The following CNKSR2 variants were observed in gnomAD, a reference collection of about 807,000 sequenced individuals.
CNKSR2 encodes the protein CNK homolog protein 2.
A neutral mutation model predicts 84.4 loss-of-function variants in CNKSR2; 14 were observed. The ratio of observed to expected loss-of-function variants is 0.17; its 90% confidence interval spans 0.11 to 0.26. The LOEUF (loss-of-function observed/expected upper bound fraction) is 0.26, where lower values mean the gene tolerates loss of function less well. CNKSR2 is among the 10% of genes least tolerant of loss of function. The pLI is 1.00. For missense variants in CNKSR2, 485 were observed against 771.2 expected, an observed-to-expected ratio of 0.63 and a Z score of 4.40; for synonymous variants, 275 against 277.9, an observed-to-expected ratio of 0.99 and a Z score of 0.10.
At chrX:21,480,544 C>A (rs2091307928) in intron 5 of CNKSR2, among the ~76,000 whole-genome samples, 1 of 111,920 alleles carries the variant, frequency 8.9e-6, no homozygotes, top group Admixed American at 9.5e-5. Context: ...TGCCACAAGC[C>A]TGCTTGTCTC....
chrX:21,496,245 A>G (rs984933805), intron 6 of CNKSR2, among the ~76,000 whole-genome samples: 1 of 111,816 alleles, frequency 8.9e-6, no homozygotes, highest in Non-Finnish European at 1.9e-5. Flanking sequence ...AATATTGTTA[A>G]TTCCTGAATG....
chrX:21,652,600 G>A lies in CNKSR2; in HGVS notation c.*79G>A. 1.1e-5 allele frequency: 8 copies of A among 728,541 alleles called. No homozygotes were observed. Among genetic ancestry groups the A allele is most frequent in the Non-Finnish European group, 1.7e-5 (8 of 479,222 alleles). The allele number at this position is 728,541 out of a possible 1,213,427, so 60.0% of individuals were successfully genotyped here. A position where few individuals can be genotyped will look rare whatever the true frequency, so the allele number is the denominator to read the frequency against. ...TAAGGTAGTTTTTATATCAATGTGT[G>A]GAACACTTGACAAGCTATACTTTAA... On this transcript the variant is annotated 3_prime_UTR_variant, in exon 22 of 22. Coordinates refer to ENST00000379510, the MANE Select transcript of CNKSR2 (RefSeq NM_014927.5).
intron 1 of CNKSR2, among the ~76,000 whole-genome samples, chrX:21,376,756 C>G (rs919312373): frequency 1.8e-5 from 2 of 111,950 alleles, no homozygotes; most frequent in Non-Finnish European, 3.8e-5. Flanking sequence ...TATCTTGGCT[C>G]CATGGGAGTC....
intron 21 of CNKSR2, among the ~76,000 whole-genome samples, chrX:21,649,413 T>A (rs1412267579): frequency 1.8e-5 from 2 of 112,228 alleles, no homozygotes; most frequent in African/African-American, 6.5e-5. Flanking sequence ...AATACAATAG[T>A]GGGTGCTAAA....
rs1180454453 is a variant in CNKSR2, at chrX:21,653,169, T to C, written c.*648T>C. ...ATTCCAAATCTATGAGAACACTTGG[T>C]GTATCAGGGCAAAGCTTTGTAAGAT... On this transcript the variant is annotated 3_prime_UTR_variant, in exon 22 of 22. Coordinates refer to ENST00000379510, the MANE Select transcript of CNKSR2 (RefSeq NM_014927.5). The C allele has an allele frequency of 9.0e-6, 1 of 111,566 alleles. No individual in the cohort carries two copies. Among genetic ancestry groups the C allele is most frequent in the Non-Finnish European group, 1.9e-5 (1 of 53,041 alleles). 9.2% of individuals were successfully genotyped at this position (111,566 alleles called of 1,213,427 possible).
In CNKSR2 at chrX:21,412,536, T is replaced by C. The variant is rs2090359722; in HGVS notation, c.65-13961T>C. Among the ~76,000 whole-genome samples the C allele has an allele frequency of 3.6e-5, 4 of 112,206 alleles. No homozygotes were observed. The South Asian group carries it at 1.5e-3, about 41-fold the overall frequency. ...CCATCATGATTAGGCAATTTTTTCATGGTGAATTAGGATTGGGTAAGACAT... is the reference window on the plus strand; with the variant it reads ...CCATCATGATTAGGCAATTTTTTCACGGTGAATTAGGATTGGGTAAGACAT... On this transcript the variant is annotated intron_variant, in intron 1 of 21. Coordinates refer to ENST00000379510, the MANE Select transcript of CNKSR2 (RefSeq NM_014927.5).
intron 7 of CNKSR2, among the ~76,000 whole-genome samples, chrX:21,498,154 G>C: frequency 9.0e-6 from 1 of 111,514 alleles, no homozygotes; most frequent in Non-Finnish European, 1.9e-5. Flanking sequence ...CAAATGATTT[G>C]GTTATTTAAA....
intron 1 of CNKSR2, among the ~76,000 whole-genome samples, chrX:21,392,886 A>G (rs2090070328): frequency 1.8e-5 from 2 of 111,377 alleles, no homozygotes; most frequent in African/African-American, 6.5e-5. Context: ...TCTCCAAGAA[A>G]TTACATTAAG....
At chrX:21,616,248 CCTA>C (rs1043572117) in intron 20 of CNKSR2, among the ~76,000 whole-genome samples, 1 of 110,829 alleles carries the variant, frequency 9.0e-6, no homozygotes, top group African/African-American at 3.3e-5. Flanking sequence ...ATTTTCCATC[CCTA>C]CTACCAGAAT....
At chrX:21,618,065 C>T (rs1013046825) in intron 20 of CNKSR2, among the ~76,000 whole-genome samples, 20 of 110,007 alleles carry the variant, frequency 1.8e-4, no homozygotes, top group Admixed American at 6.8e-4. Context: ...AGAGCCAAGC[C>T]AGAGCCAATT....
At chrX:21,499,714 A>G (rs1260597846) in intron 7 of CNKSR2, among the ~76,000 whole-genome samples, 1 of 110,475 alleles carries the variant, frequency 9.1e-6, no homozygotes, top group Non-Finnish European at 1.9e-5. Flanking sequence ...GAGTCTTAGT[A>G]AAGCTGCTCA....
chrX:21,525,479 T>C (rs1456133931), intron 9 of CNKSR2, among the ~76,000 whole-genome samples: 2 of 110,903 alleles, frequency 1.8e-5, no homozygotes, highest in African/African-American at 3.3e-5. Context: ...CCTTTTCCCT[T>C]TCTCTCTCTC....
chrX:21,619,576 C>T (rs984424778), intron 20 of CNKSR2, among the ~76,000 whole-genome samples: 2 of 110,909 alleles, frequency 1.8e-5, no homozygotes, highest in Non-Finnish European at 3.8e-5. Flanking sequence ...TTAAGACCTC[C>T]GAATTTTCTC....
At chrX:21,476,629 C>T (rs1327739566) in intron 5 of CNKSR2, among the ~76,000 whole-genome samples, 1 of 110,475 alleles carries the variant, frequency 9.1e-6, no homozygotes, top group Non-Finnish European at 1.9e-5. Flanking sequence ...CAGTGTTGGG[C>T]AGGGATGTCT....
intron 1 of CNKSR2, chrX:21,422,421 C>T (rs747603297): frequency 2.7e-5 from 3 of 111,935 alleles, no homozygotes; most frequent in South Asian, 3.8e-4. Context: ...CACATCCCTG[C>T]CCCTGATGCT....
Position 21,374,834 on chromosome X carries a change from C to T in CNKSR2, c.-64C>T, listed in dbSNP as rs960068135. 1 of 1,022,963 alleles carries T rather than the reference C, an allele frequency of 9.8e-7. No homozygotes were observed. Among genetic ancestry groups the T allele is most frequent in the Admixed American group, 2.2e-5 (1 of 45,724 alleles). 84.3% of individuals were successfully genotyped at this position (1,022,963 alleles called of 1,213,427 possible). The stretch of plus-strand genomic sequence containing the variant: ...AGCAAGGGACCCCACCTGAGAGCAG[C>T]TCGGGCTGCTGAGTTCGTTTTGTGT... On this transcript the variant is annotated 5_prime_UTR_variant, in exon 1 of 22. Transcript: ENST00000379510.
chrX:21,413,943 T>C (rs571881580), intron 1 of CNKSR2, among the ~76,000 whole-genome samples: 11 of 110,238 alleles, frequency 1.0e-4, no homozygotes, highest in African/African-American at 3.6e-4. Context: ...AAAATACCAA[T>C]GACATTCTTC....
chrX:21,568,599 C>CT (rs1311872528), intron 13 of CNKSR2, among the ~76,000 whole-genome samples: 1 of 110,570 alleles, frequency 9.0e-6, no homozygotes, highest in Admixed American at 9.6e-5. Context: ...GGTTTTGTGG[C>CT]TTTTTTTGAT....
intron 5 of CNKSR2, among the ~76,000 whole-genome samples, chrX:21,472,049 G>T (rs1302785668): frequency 8.9e-6 from 1 of 111,740 alleles, no homozygotes; most frequent in Non-Finnish European, 1.9e-5. Context: ...TAATACCAAA[G>T]CCCATGCCCT....
Sources: gnomAD v4.1 joint callset for allele counts (sites outside exome capture counted in the v4.1 genomes callset) on GRCh38, gnomAD v4.1.1 for gene constraint, MANE v1.5 for transcripts, NCBI Gene and HGNC (gene_info 2026-07-23, HGNC 2026-07-21) for gene names.